STARD6: variants seen among roughly 807,000 people sequenced by gnomAD.
The protein encoded by STARD6 is StAR related lipid transfer domain containing 6.
A neutral mutation model predicts 22.3 loss-of-function variants in STARD6; 21 were observed. That is an observed-to-expected ratio of 0.94 (90% CI 0.67 to 1.35). The LOEUF is 1.35. STARD6 is among the 40% of genes most tolerant of loss of function. The probability of loss-of-function intolerance (pLI) is 0.00; values close to 1 mark genes in which losing one functional copy is unlikely to be tolerated. For missense variants in STARD6, 269 were observed against 266.9 expected (o/e 1.01, Z -0.05); for synonymous variants, 80 against 88.1 (o/e 0.91, Z 0.52).
chr18:54,353,044 T>C (rs1461575828), intron 4 of STARD6, among the ~76,000 whole-genome samples: 1 of 152,144 alleles, frequency 6.6e-6, no homozygotes, highest in African/African-American at 2.4e-5. Context: ...TTCCTGATCA[T>C]TGTTAAAGTG....
intron 4 of STARD6, among the ~76,000 whole-genome samples, chr18:54,346,070 C>T (rs1296500278): frequency 3.3e-5 from 5 of 152,090 alleles, no homozygotes; most frequent in African/African-American, 1.2e-4. Flanking sequence ...ATAAATTGAA[C>T]TTCAAGAAAA....
intron 4 of STARD6, among the ~76,000 whole-genome samples, chr18:54,349,753 T>C (rs771746086): frequency 2.0e-5 from 3 of 152,214 alleles, no homozygotes; most frequent in Non-Finnish European, 4.4e-5. Flanking sequence ...GAAAAGATGA[T>C]GTTTGGTTTT....
At chr18:54,355,497 C>T (rs1034913379) in intron 2 of STARD6, among the ~76,000 whole-genome samples, 4 of 152,022 alleles carry the variant, frequency 2.6e-5, no homozygotes, top group African/African-American at 9.7e-5. Flanking sequence ...GATTAGTGCC[C>T]TCACAAAAGA....
rs376528277 is a variant in STARD6 at position 54,328,327 on chromosome 18, C to T, written c.479+1020G>A. On this transcript the variant is annotated intron_variant, in intron 7 of 7. Coordinates refer to ENST00000307844, the MANE Select transcript of STARD6 (RefSeq NM_139171.2). ...ACAAGGTGCAAGAAGGGGACTTGGCCTGTGAAGCACACTTTAAGCTGTGTA... is the reference window on the plus strand; with the variant it reads ...ACAAGGTGCAAGAAGGGGACTTGGCTTGTGAAGCACACTTTAAGCTGTGTA... 1.2e-3 allele frequency among the ~76,000 whole-genome samples: 185 copies of T among 152,310 alleles called. 5 individuals are homozygous for T. The South Asian group carries it at 0.031, about 25-fold the overall frequency.
At chr18:54,329,487 A>G in intron 6 of STARD6, 47 bp from the exon 7 acceptor site, 1 of 1,426,440 alleles carries the variant, frequency 7.0e-7, no homozygotes, top group South Asian at 1.2e-5. Context: ...ACAAAGAGGA[A>G]AAACTATTTC....
chr18:54,351,564 A>G (rs930375467), intron 4 of STARD6, among the ~76,000 whole-genome samples: 1 of 152,192 alleles, frequency 6.6e-6, no homozygotes, highest in East Asian at 1.9e-4. Context: ...CCTGTTCAGC[A>G]TAATGTTGGC....
intron 7 of STARD6, among the ~76,000 whole-genome samples, chr18:54,327,933 A>G (rs1240673181): frequency 6.6e-6 from 1 of 151,850 alleles, no homozygotes; most frequent in Non-Finnish European, 1.5e-5. Flanking sequence ...AGAAAAATTC[A>G]TAAGCTTTTA....
intron 7 of STARD6, among the ~76,000 whole-genome samples, chr18:54,325,223 C>T (rs1050447969): frequency 1.3e-5 from 2 of 151,960 alleles, no homozygotes; most frequent in African/African-American, 4.8e-5. Flanking sequence ...GTTATATTTT[C>T]GCGTGACTAT....
intron 7 of STARD6, 63 bp from the exon 8 acceptor site, chr18:54,324,938 A>C: frequency 7.5e-7 from 1 of 1,328,994 alleles, no homozygotes; most frequent in Non-Finnish European, 9.9e-7. Context: ...CTGACTTTAC[A>C]GGTTTTTGGA....
chr18:54,347,655 G>C (rs1000700676), intron 4 of STARD6, among the ~76,000 whole-genome samples: 4 of 152,004 alleles, frequency 2.6e-5, no homozygotes, highest in Non-Finnish European at 4.4e-5. Flanking sequence ...TAAGAAAAAT[G>C]TTAAGTTTAG....
chr18:54,335,089 C>T (rs1039139138), intron 5 of STARD6, among the ~76,000 whole-genome samples: 10 of 152,092 alleles, frequency 6.6e-5, no homozygotes, highest in African/African-American at 2.4e-4. Flanking sequence ...ATGGAGAAAA[C>T]ACAAACAACT....
intron 4 of STARD6, among the ~76,000 whole-genome samples, chr18:54,346,524 G>C (rs2089037810): frequency 6.6e-6 from 1 of 151,902 alleles, no homozygotes; most frequent in Non-Finnish European, 1.5e-5. Flanking sequence ...ATTAAACATA[G>C]AATTGCCATA....
intron 1 of STARD6, chr18:54,356,956 G>A (rs1001644201): frequency 1.3e-5 from 2 of 152,194 alleles, no homozygotes; most frequent in Non-Finnish European, 2.9e-5. Context: ...ATAGCTTCCG[G>A]ACTTTTTCAT....
intron 4 of STARD6, among the ~76,000 whole-genome samples, chr18:54,345,927 C>A (rs2089029553): frequency 6.6e-6 from 1 of 152,090 alleles, no homozygotes; most frequent in Admixed American, 6.6e-5. Flanking sequence ...AAAATTAACT[C>A]AAAGTGATCA....
intron 4 of STARD6, among the ~76,000 whole-genome samples, chr18:54,344,583 T>TTAAAAA (rs74180466): frequency 1.1e-5 from 1 of 94,094 alleles, no homozygotes; most frequent in Non-Finnish European, 2.1e-5. Flanking sequence ...AAAAATAAAT[T>TTAAAAA]AAAAAAAAAA....
intron 4 of STARD6, among the ~76,000 whole-genome samples, chr18:54,348,030 C>T (rs1403362795): frequency 6.6e-6 from 1 of 152,058 alleles, no homozygotes; most frequent in African/African-American, 2.4e-5. Context: ...TCCCTTTTCA[C>T]TTGTCTCTCA....
At chr18:54,350,540 G>C (rs930850109) in intron 4 of STARD6, among the ~76,000 whole-genome samples, 2 of 152,050 alleles carry the variant, frequency 1.3e-5, no homozygotes, top group African/African-American at 4.8e-5. Context: ...TGAGTTCTTC[G>C]TCATGAACTC....
intron 4 of STARD6, among the ~76,000 whole-genome samples, chr18:54,338,020 G>A (rs1415131016): frequency 1.3e-5 from 2 of 152,088 alleles, no homozygotes; most frequent in South Asian, 4.2e-4. Flanking sequence ...TTTATGCACC[G>A]GCTCTGCCTA....
At chr18:54,329,286 A>T in intron 7 of STARD6, 61 bp downstream of exon 7, 1 of 1,371,740 alleles carries the variant, frequency 7.3e-7, no homozygotes, top group Non-Finnish European at 9.9e-7. Context: ...GCAATCTTAA[A>T]CTAAATCACA....
Sources: gnomAD v4.1 joint callset for allele counts (sites outside exome capture counted in the v4.1 genomes callset) on GRCh38, gnomAD v4.1.1 for gene constraint, MANE v1.5 for transcripts, NCBI Gene and HGNC (gene_info 2026-07-23, HGNC 2026-07-21) for gene names.